RNF157: variants seen among roughly 807,000 people sequenced by gnomAD.
The protein encoded by RNF157 is E3 ubiquitin ligase RNF157.
In RNF157, 55 loss-of-function variants were observed where a neutral mutation model predicts 88.3. The observed-to-expected ratio is 0.62, with a 90% CI of 0.50 to 0.78. RNF157 has a LOEUF of 0.78. Ranked by LOEUF, RNF157 falls within the 30% of genes least tolerant of loss-of-function variation. The pLI, the probability that RNF157 is intolerant of heterozygous loss-of-function variation, is 0.00. For missense variants in RNF157, 788 were observed against 860.8 expected, an observed-to-expected ratio of 0.92 and a Z score of 1.06; for synonymous variants, 334 against 341.2, an observed-to-expected ratio of 0.98 and a Z score of 0.23.
chr17:76,236,242 G>A (rs1960634873), intron 1 of RNF157, among the ~76,000 whole-genome samples: 1 of 152,152 alleles, frequency 6.6e-6, no homozygotes, highest in South Asian at 2.1e-4. Context: ...ACTTGCCCAA[G>A]TATGTGGAGG....
At chr17:76,202,848 G>C (rs1467145629) in intron 2 of RNF157, 1 of 152,504 alleles carries the variant, frequency 6.6e-6, no homozygotes, top group African/African-American at 2.4e-5. Flanking sequence ...TTGCAATGCT[G>C]TTAATCCTAT....
In RNF157 at chr17:76,174,339, G is replaced by A. The variant is rs1172088000; in HGVS notation, c.208-549C>T. 5.3e-5 allele frequency among the ~76,000 whole-genome samples: 8 copies of A among 152,170 alleles called. No individual in the cohort carries two copies. In the East Asian group the frequency reaches 7.7e-4, roughly 15 times the overall value. ...TATAAAGCAGAGCTCTTTAACATGT[G>A]AGCCAAGAGTTATTTTGGGGTCACC... On this transcript the variant is annotated intron_variant, in intron 2 of 18. Coordinates refer to ENST00000269391, the MANE Select transcript of RNF157 (RefSeq NM_052916.3).
rs771427760 is a variant in RNF157, at chr17:76,159,493, T to G, written c.1146A>C (p.Ala382=). The change falls in exon 12 of 19, where the codon GCA becomes GCC. Residue 382 remains alanine, a synonymous_variant. Coordinates refer to ENST00000269391, the MANE Select transcript of RNF157 (RefSeq NM_052916.3). ...CTCCAAGCACGTGAAGTGGAGGAAC[T>G]GCTGGGGACGGGGTGAGGGGCCCGT... ...ALNGPLTPSP[A]VPPLHVLGDG... 3.1e-6 allele frequency: 5 copies of G among 1,608,778 alleles called. No individual in the cohort carries two copies. The highest frequency in any genetic ancestry group is 4.2e-6 in the Non-Finnish European group (5 of 1,178,246).
intron 1 of RNF157, among the ~76,000 whole-genome samples, chr17:76,232,091 T>G (rs1242179572): frequency 1.3e-5 from 2 of 152,142 alleles, no homozygotes; most frequent in African/African-American, 4.8e-5. Flanking sequence ...CCCTTTAAAT[T>G]GTTGAACATG....
chr17:76,207,701 C>T (rs998681533), intron 2 of RNF157, among the ~76,000 whole-genome samples: 1 of 152,154 alleles, frequency 6.6e-6, no homozygotes, highest in Admixed American at 6.6e-5. Flanking sequence ...TCCCCTGTAA[C>T]CTAACACTCA....
At chr17:76,147,416 C>T in intron 18 of RNF157, 7 of 846,648 alleles carry the variant, frequency 8.3e-6, no homozygotes, top group Non-Finnish European at 1.0e-5. Context: ...GCCGCCACCA[C>T]CAGCAAGCCA....
At chr17:76,175,717 C>T (rs1446510245) in intron 2 of RNF157, 3 of 974,542 alleles carry the variant, frequency 3.1e-6, no homozygotes, top group Non-Finnish European at 3.7e-6. Flanking sequence ...TTCATTTGTA[C>T]AGGTACTTGG....
chr17:76,226,950 C>T (rs1294812254), intron 1 of RNF157: 10 of 644,914 alleles, frequency 1.6e-5, no homozygotes, highest in South Asian at 6.7e-5. Context: ...GTGCTGCTGC[C>T]GCCGCTGCAA....
intron 7 of RNF157, among the ~76,000 whole-genome samples, chr17:76,165,161 T>C (rs1009937863): frequency 6.6e-6 from 1 of 152,194 alleles, no homozygotes; most frequent in African/African-American, 2.4e-5. Context: ...CTGGGGGTCT[T>C]GGAACTTATC....
chr17:76,155,457 A>T (rs1340297705), intron 15 of RNF157, 105 bp downstream of exon 15: 3 of 1,489,694 alleles, frequency 2.0e-6, no homozygotes, highest in African/African-American at 1.4e-5. Flanking sequence ...CACTCCTGGC[A>T]TTTTGGGGGC....
chr17:76,147,208 GTGAAGAACCCAAAATAAAA>G, intron 18 of RNF157: 1 of 984,792 alleles, frequency 1.0e-6, no homozygotes, highest in South Asian at 4.7e-5. Context: ...TGCCTTTAAA[GTGAAGAACCCAAAATAAAA>G]TGAGCTGTTT....
At chr17:76,167,519 G>T in intron 4 of RNF157, 132 bp downstream of exon 4, 1 of 1,312,438 alleles carries the variant, frequency 7.6e-7, no homozygotes, top group Non-Finnish European at 1.1e-6. Context: ...GATAAGACAT[G>T]GACTCTCCCT....
At chr17:76,154,381 T>G in intron 16 of RNF157, 53 bp from the exon 17 acceptor site, 1 of 1,201,356 alleles carries the variant, frequency 8.3e-7, no homozygotes, top group Middle Eastern at 1.9e-4. Flanking sequence ...ATGAGTAAAC[T>G]GATTGGCTGA....
intron 18 of RNF157, among the ~76,000 whole-genome samples, chr17:76,151,363 G>A (rs1355698512): frequency 6.6e-6 from 1 of 152,252 alleles, no homozygotes; most frequent in Non-Finnish European, 1.5e-5. Flanking sequence ...CTTGGACTGT[G>A]TCTTGCACAG....
In RNF157 at chr17:76,177,705, C is replaced by T. The variant is rs918018610; in HGVS notation, c.208-3915G>A. On this transcript the variant is annotated intron_variant, in intron 2 of 18. Transcript: ENST00000269391. Reference sequence around the variant, plus strand: ...CCTGCACTTCCTCCCCTCTGAGGCCCATAAAAGGCCCAGGCTCAGCCAGAA... The same window carrying T: ...CCTGCACTTCCTCCCCTCTGAGGCCTATAAAAGGCCCAGGCTCAGCCAGAA... 2.0e-5 allele frequency among the ~76,000 whole-genome samples: 3 copies of T among 152,024 alleles called. No individual in the cohort carries two copies. The East Asian group carries it at 5.8e-4, about 30-fold the overall frequency.
chr17:76,211,290 G>T (rs902390712), intron 2 of RNF157, among the ~76,000 whole-genome samples: 6 of 152,190 alleles, frequency 3.9e-5, no homozygotes, highest in Non-Finnish European at 7.3e-5. Flanking sequence ...TCCTGGAAAG[G>T]CCTCATCCAA....
intron 2 of RNF157, among the ~76,000 whole-genome samples, chr17:76,190,510 G>A (rs1315098663): frequency 6.6e-6 from 1 of 151,380 alleles, no homozygotes; most frequent in Non-Finnish European, 1.5e-5. Flanking sequence ...CAGTGTCCAG[G>A]GAAATCGCTT....
In RNF157 at chr17:76,167,115, T is replaced by G. The variant is rs754721484; in HGVS notation, c.455A>C (p.Lys152Thr). Reference sequence around the variant, plus strand: ...AGTCTCCGACTGGAGGCTGTTGTCTTTGGGAATGTAGCTATTGATACAAGT... The same window carrying G: ...AGTCTCCGACTGGAGGCTGTTGTCTGTGGGAATGTAGCTATTGATACAAGT... ...FQNGIASYIP[K>T]DNSLQSETVQ... The change falls in exon 5 of 19, where the codon AAA becomes ACA. Residue 152 changes from lysine (K) to threonine (T), a missense_variant. Coordinates refer to ENST00000269391, the MANE Select transcript of RNF157 (RefSeq NM_052916.3). 2.2e-5 allele frequency: 35 copies of G among 1,612,114 alleles called. 2 individuals are homozygous for G. In the South Asian group the frequency reaches 3.2e-4, roughly 15 times the overall value.
Position 76,166,509 on chromosome 17 carries a change from G to A in RNF157, c.580C>T (p.Arg194Ter), listed in dbSNP as rs146952775. The A allele has an allele frequency of 3.1e-6, 5 of 1,613,610 alleles. No individual in the cohort carries two copies. In the African/African-American group the frequency reaches 4.0e-5, roughly 13 times the overall value. The change falls in exon 6 of 19, where the codon CGA (arginine) becomes TGA (stop). Residue 194 changes from arginine (R) to a stop codon, truncating the protein, a stop_gained. Coordinates refer to ENST00000269391, the MANE Select transcript of RNF157 (RefSeq NM_052916.3). LOFTEE classifies it high-confidence loss of function. ...TGTACCACTAGAGGGTAAACTTCTC[G>A]GTCTAAATCAAAGCCAAGCTGAAGG... is the stretch of plus-strand genomic sequence containing the variant. ...AEEELGFDLD[R>*]EVYPLVVHAV... is the part of the protein sequence containing the mutation.
Sources: gnomAD v4.1 joint callset for allele counts (sites outside exome capture counted in the v4.1 genomes callset) on GRCh38, gnomAD v4.1.1 for gene constraint, MANE v1.5 for transcripts, NCBI Gene and HGNC (gene_info 2026-07-23, HGNC 2026-07-21) for gene names.